The following OTOP2 variants were observed in gnomAD, a reference collection of about 807,000 sequenced individuals.
OTOP2 encodes the protein otopetrin 2.
Under a neutral mutation model 47.4 loss-of-function variants are expected in OTOP2, and 41 were observed. The observed-to-expected ratio is 0.87, with a 90% CI of 0.67 to 1.12. OTOP2 has a LOEUF of 1.12. Ranked by LOEUF, OTOP2 falls within the 50% of genes most tolerant of loss-of-function variation. The pLI is 0.00. For synonymous variants in OTOP2, 328 were observed against 319.6 expected, an observed-to-expected ratio of 1.03 and a Z score of -0.28; for missense variants, 721 against 752.2, an observed-to-expected ratio of 0.96 and a Z score of 0.49.
Position 74,930,219 on chromosome 17 carries a change from G to T in OTOP2, c.644-60G>T. 5 of 1,545,158 alleles carry T rather than the reference G, an allele frequency of 3.2e-6. No homozygotes were observed. The highest frequency in any genetic ancestry group is 4.4e-6 in the Non-Finnish European group (5 of 1,143,476). Reference sequence around the variant, plus strand: ...AAAAAAAAAAAGGTCACAGGCTAGGGGTGAGACCTCTCTAGGAAGGCAGGA... The same window carrying T: ...AAAAAAAAAAAGGTCACAGGCTAGGTGTGAGACCTCTCTAGGAAGGCAGGA... On this transcript the variant is annotated intron_variant, in intron 5 of 6. Transcript: ENST00000331427. The surrounding 1 kb of genome is among the most constrained non-coding windows in gnomAD (Gnocchi z 4.0).
At chr17:74,931,202 A>G (rs1189922295) in intron 6 of OTOP2, 49 bp downstream of exon 6, 10 of 1,537,342 alleles carry the variant, frequency 6.5e-6, no homozygotes, top group Non-Finnish European at 8.8e-6. Context: ...GAGACTGAGG[A>G]AGGATGCTCT....
Position 74,933,256 on chromosome 17 carries a change from C to T in OTOP2, c.1519-119C>T, listed in dbSNP as rs2039075003. ...TGCCCATTCACTGACACCCAGCCCT[C>T]CGTGTCCACCAAGCTAGAAGGATGG... is the stretch of plus-strand genomic sequence containing the variant. On this transcript the variant is annotated intron_variant, in intron 6 of 6. Coordinates refer to ENST00000331427, the MANE Select transcript of OTOP2 (RefSeq NM_178160.3). The surrounding 1 kb of genome is among the most constrained non-coding windows in gnomAD (Gnocchi z 4.7). The T allele has an allele frequency of 1.6e-6, 2 of 1,251,386 alleles. No homozygotes were observed. Among genetic ancestry groups the T allele is most frequent in the Middle Eastern group, 2.3e-4 (1 of 4,400 alleles). 77.5% of individuals were successfully genotyped at this position (1,251,386 alleles called of 1,614,324 possible).
chr17:74,933,291 T>C lies in OTOP2; in HGVS notation c.1519-84T>C, dbSNP rs1042732774. On this transcript the variant is annotated intron_variant, in intron 6 of 6. Coordinates refer to ENST00000331427, the MANE Select transcript of OTOP2 (RefSeq NM_178160.3). This position sits in a 1 kb window ranked among gnomAD's most constrained non-coding sequence, Gnocchi z 4.7. ...CAAGCTAGAAGGATGGGCCGCCATC[T>C]AGCCACGGCCCAGCAAAACCCACAG... 1.1e-5 allele frequency: 16 copies of C among 1,492,428 alleles called. No homozygotes were observed. In the Admixed American group the frequency reaches 2.9e-4, roughly 27 times the overall value. The allele number at this position is 1,492,428 out of a possible 1,614,324, so 92.4% of individuals were successfully genotyped here.
intron 3 of OTOP2, 125 bp downstream of exon 3, chr17:74,925,817 G>A: frequency 7.2e-7 from 1 of 1,389,666 alleles, no homozygotes; most frequent in South Asian, 1.3e-5. Flanking sequence ...AGTAAACCAG[G>A]GACAGGGCTG....
chr17:74,930,708 A>G lies in OTOP2; in HGVS notation c.1073A>G (p.Asp358Gly). 6.2e-7 allele frequency: 1 copy of G among 1,613,920 alleles called. No homozygotes were observed. Among genetic ancestry groups the G allele is most frequent in the Non-Finnish European group, 8.5e-7 (1 of 1,179,996 alleles). ...TACCGTTTTGACCGCCGGGCCATGG[A>G]CCACCATAAGAACCCCACGCGCACT... The part of the protein sequence containing the change: ...IIYRFDRRAM[D>G]HHKNPTRTLD... Residue 358 changes from aspartate (D) to glycine (G), a missense_variant, in exon 6 of 7, where the codon GAC becomes GGC. Transcript: ENST00000331427. This position sits in a 1 kb window ranked among gnomAD's most constrained non-coding sequence, Gnocchi z 4.0.
At position 74,930,942 on chromosome 17, in the gene OTOP2, G is replaced by GT. The variant is rs1206691138; in HGVS notation, c.1308dup (p.Thr437TyrfsTer32). The GT allele has an allele frequency of 6.2e-7, 1 of 1,614,046 alleles. No homozygotes were observed. The highest frequency in any genetic ancestry group is 8.5e-7 in the Non-Finnish European group (1 of 1,180,030). On this transcript the variant is annotated frameshift_variant, in exon 6 of 7. Coordinates refer to ENST00000331427, the MANE Select transcript of OTOP2 (RefSeq NM_178160.3). LOFTEE classifies it high-confidence loss of function. This position sits in a 1 kb window ranked among gnomAD's most constrained non-coding sequence, Gnocchi z 4.0. ...GGACCGCCCGGGGCTGAGCCTCACA[G>GT]TACCCACCCCAAGGAGCCCTGCCAA...
intron 5 of OTOP2, among the ~76,000 whole-genome samples, chr17:74,929,964 C>T (rs1007219034): frequency 5.9e-5 from 9 of 152,164 alleles, no homozygotes; most frequent in Admixed American, 3.9e-4. Context: ...AAGCAGATCA[C>T]CTGAGGTCAG....
intron 6 of OTOP2, 133 bp downstream of exon 6, chr17:74,931,286 G>C: frequency 2.3e-6 from 3 of 1,286,020 alleles, no homozygotes; most frequent in Non-Finnish European, 3.1e-6. Flanking sequence ...TCTAGGAAAG[G>C]AGCAGGTTCA....
At chr17:74,928,085 G>A in intron 5 of OTOP2, 1 of 389,902 alleles carries the variant, frequency 2.6e-6, no homozygotes, top group Non-Finnish European at 4.6e-6. Flanking sequence ...GCTCATGCTT[G>A]TAATCCTAGC....
intron 5 of OTOP2, among the ~76,000 whole-genome samples, chr17:74,929,869 G>A (rs1385724947): frequency 6.6e-6 from 1 of 152,184 alleles, no homozygotes; most frequent in Non-Finnish European, 1.5e-5. Flanking sequence ...ATGACAGACA[G>A]GGAGCCTGCC....
intron 3 of OTOP2, among the ~76,000 whole-genome samples, chr17:74,925,939 A>G (rs73997568): frequency 0.014 from 2,193 of 152,306 alleles, 56 homozygotes; most frequent in African/African-American, 0.05. Context: ...AAGCAGTGCC[A>G]GTAGTTAACA....
rs1303178106 is a variant in OTOP2 at position 74,924,642 on chromosome 17, G to A, written c.10G>A (p.Glu4Lys). Residue 4 changes from glutamate to lysine, a missense_variant, in exon 2 of 7, where the codon GAG becomes AAG. Glu to Lys is a moderately conservative substitution (Grantham distance 56). Coordinates refer to ENST00000331427, the MANE Select transcript of OTOP2 (RefSeq NM_178160.3). This position sits in a 1 kb window ranked among gnomAD's most constrained non-coding sequence, Gnocchi z 7.7. ...TCCAGTCGCCTCCGCCATGTCCGAG[G>A]AGCTGGCCCAGGGCCCCAAGGAGAG... MSEELAQGPKESPP... is the reference protein window; with the variant it reads MSEKLAQGPKESPP... The A allele has an allele frequency of 6.3e-7, 1 of 1,576,858 alleles. No individual in the cohort carries two copies. The highest frequency in any genetic ancestry group is 1.7e-5 in the Admixed American group (1 of 57,332).
At chr17:74,925,045 G>C in intron 2 of OTOP2, 100 bp downstream of exon 2, 1 of 1,369,786 alleles carries the variant, frequency 7.3e-7, no homozygotes, top group Non-Finnish European at 9.7e-7. Flanking sequence ...ATACGAGGGC[G>C]AGAGGCTCCC....
chr17:74,932,929 G>A (rs577301778), intron 6 of OTOP2, among the ~76,000 whole-genome samples: 1 of 152,138 alleles, frequency 6.6e-6, no homozygotes, highest in African/African-American at 2.4e-5. Flanking sequence ...CTCAAGGAGG[G>A]CTGGGGTGGG....
At position 74,927,203 on chromosome 17, in the gene OTOP2, A is replaced by C; in HGVS notation, c.451-20A>C. 6.2e-7 allele frequency: 1 copy of C among 1,602,142 alleles called. No homozygotes were observed. Among genetic ancestry groups the C allele is most frequent in the South Asian group, 1.1e-5 (1 of 90,830 alleles). ...TCCATCTATGGAGTAAATGACTCTC[A>C]CCAATGTCTCTCCATACAGACCTAC... On this transcript the variant is annotated intron_variant, in intron 3 of 6. Coordinates refer to ENST00000331427, the MANE Select transcript of OTOP2 (RefSeq NM_178160.3).
intron 3 of OTOP2, 78 bp from the exon 4 acceptor site, chr17:74,927,145 A>G: frequency 7.6e-7 from 1 of 1,315,972 alleles, no homozygotes. Context: ...GGAGAGAACA[A>G]GATGGCATGG....
In OTOP2 at chr17:74,930,745, C is replaced by T; in HGVS notation, c.1110C>T (p.Ala370=). 1 of 1,614,094 alleles carries T rather than the reference C, an allele frequency of 6.2e-7. No individual in the cohort carries two copies. The highest frequency in any genetic ancestry group is 8.5e-7 in the Non-Finnish European group (1 of 1,180,016). ...HKNPTRTLDV[A]LLMGAALGQY... ...ACCCCACGCGCACTCTGGACGTGGC[C>T]CTGCTGATGGGTGCCGCCCTGGGTC... Residue 370 remains alanine (A), a synonymous_variant, in exon 6 of 7, where the codon GCC becomes GCT. Coordinates refer to ENST00000331427, the MANE Select transcript of OTOP2 (RefSeq NM_178160.3). This position sits in a 1 kb window ranked among gnomAD's most constrained non-coding sequence, Gnocchi z 4.0.
intron 3 of OTOP2, 99 bp from the exon 4 acceptor site, chr17:74,927,124 G>T: frequency 9.0e-7 from 1 of 1,112,582 alleles, no homozygotes; most frequent in Non-Finnish European, 1.4e-6. Context: ...CAGTGTAAGG[G>T]TTCCTCAGGC....
At position 74,930,955 on chromosome 17, in the gene OTOP2, G is replaced by A; in HGVS notation, c.1320G>A (p.Lys440=). Residue 440 remains lysine, a synonymous_variant, in exon 6 of 7, where the codon AAG becomes AAA. Transcript: ENST00000331427. This position sits in a 1 kb window ranked among gnomAD's most constrained non-coding sequence, Gnocchi z 4.0. ...PGAEPHSTHP[K]EPCQDLTFTN... ...CTGAGCCTCACAGTACCCACCCCAA[G>A]GAGCCCTGCCAAGACCTCACCTTCA... 1 of 1,614,004 alleles carries A rather than the reference G, an allele frequency of 6.2e-7. No individual in the cohort carries two copies. Among genetic ancestry groups the A allele is most frequent in the East Asian group, 2.2e-5 (1 of 44,876 alleles).
Sources: gnomAD v4.1 joint callset for allele counts (sites outside exome capture counted in the v4.1 genomes callset) on GRCh38, gnomAD v4.1.1 for gene constraint, Gnocchi (gnomAD v3.1) non-coding constraint, MANE v1.5 for transcripts, NCBI Gene and HGNC (gene_info 2026-07-23, HGNC 2026-07-21) for gene names.